The following AACS variants were observed in gnomAD, a reference collection of about 807,000 sequenced individuals.
The protein encoded by AACS is acetoacetyl-CoA synthetase, also known as acetoacetate-CoA ligase.
Under a neutral mutation model 83.1 loss-of-function variants are expected in AACS, and 69 were observed. That is an observed-to-expected ratio of 0.83 (90% confidence interval 0.68 to 1.01). The LOEUF (loss-of-function observed/expected upper bound fraction) is 1.01, where lower values mean the gene tolerates loss of function less well. Ranked by LOEUF, AACS falls within the 50% of genes least tolerant of loss-of-function variation. AACS has a pLI of 0.00. For synonymous variants in AACS, 333 were observed against 343.4 expected, an observed-to-expected ratio of 0.97 and a Z score of 0.33; for missense variants, 866 against 882.2, an observed-to-expected ratio of 0.98 and a Z score of 0.23.
At chr12:125,095,114 G>C (rs1956578785) in intron 5 of AACS, among the ~76,000 whole-genome samples, 1 of 152,034 alleles carries the variant, frequency 6.6e-6, no homozygotes, top group South Asian at 2.1e-4. Flanking sequence ...ATGCTTGATT[G>C]GTTGCTAAGC....
intron 17 of AACS, chr12:125,141,824 G>A: frequency 2.2e-6 from 1 of 464,494 alleles, no homozygotes; most frequent in Non-Finnish European, 3.9e-6. Context: ...GGTGTGGAGA[G>A]TGTTAGAGTT....
Position 125,086,433 on chromosome 12 carries a change from T to G in AACS, c.462T>G (p.Asp154Glu), listed in dbSNP as rs765734137. The stretch of plus-strand genomic sequence containing the variant: ...GGAAAATGGGTGTGAAGAAAGGAGA[T>G]CGGGTTGTTGGTAAGTATTTTGGGT... Reference protein sequence around the residue: ...AMRKMGVKKGDRVVGYLPNSE... With the variant: ...AMRKMGVKKGERVVGYLPNSE... Residue 154 changes from aspartate to glutamate, a missense_variant, in exon 4 of 18, where the codon GAT becomes GAG. Coordinates refer to ENST00000316519, the MANE Select transcript of AACS (RefSeq NM_023928.5). 1 of 1,613,978 alleles carries G rather than the reference T, an allele frequency of 6.2e-7. No individual in the cohort carries two copies. The highest frequency in any genetic ancestry group is 1.1e-5 in the South Asian group (1 of 91,070).
In AACS at chr12:125,097,584, C is replaced by T. The variant is rs893565072; in HGVS notation, c.571-5095C>T. 1.1e-4 allele frequency among the ~76,000 whole-genome samples: 17 copies of T among 152,074 alleles called. No individual in the cohort carries two copies. Among genetic ancestry groups the T allele is most frequent in the African/African-American group, 3.6e-4 (15 of 41,408 alleles). On this transcript the variant is annotated intron_variant, in intron 5 of 17. Coordinates refer to ENST00000316519, the MANE Select transcript of AACS (RefSeq NM_023928.5). The surrounding 1 kb of genome is among the most constrained non-coding windows in gnomAD (Gnocchi z 4.3). ...GTAGAGAGAAGCTTGGCTTGGTCTG[C>T]GCCTCCTCCCGTGCCTTCCGCAGTG... is the stretch of plus-strand genomic sequence containing the variant.
chr12:125,111,941 G>A (rs1956962088), intron 8 of AACS, among the ~76,000 whole-genome samples: 1 of 152,222 alleles, frequency 6.6e-6, no homozygotes, highest in South Asian at 2.1e-4. Flanking sequence ...CCATCTGAGA[G>A]AATGAGGCTA....
At chr12:125,085,763 A>G (rs968551308) in intron 3 of AACS, among the ~76,000 whole-genome samples, 2 of 152,074 alleles carry the variant, frequency 1.3e-5, no homozygotes, top group African/African-American at 4.8e-5. Flanking sequence ...AAAAACCCAC[A>G]ATTATAATTA....
chr12:125,104,460 T>C (rs1217560575), intron 7 of AACS, among the ~76,000 whole-genome samples: 1 of 152,188 alleles, frequency 6.6e-6, no homozygotes, highest in African/African-American at 2.4e-5. Context: ...GTTGGAGAGG[T>C]GAGACCCACC....
intron 3 of AACS, among the ~76,000 whole-genome samples, chr12:125,084,408 TCTTTC>T (rs1956279420): frequency 2.6e-5 from 4 of 151,718 alleles, no homozygotes; most frequent in Admixed American, 1.3e-4. Context: ...TCCTTTCCTT[TCTTTC>T]CTTTCTTTTC....
chr12:125,119,481 CAG>C (rs1182736784), intron 10 of AACS, among the ~76,000 whole-genome samples: 3 of 152,102 alleles, frequency 2.0e-5, no homozygotes, highest in African/African-American at 7.2e-5. Context: ...TGAATGGACT[CAG>C]AGTTTCACAT....
At chr12:125,078,376 T>C (rs1007910459) in intron 3 of AACS, 1 of 454,226 alleles carries the variant, frequency 2.2e-6, no homozygotes, top group African/African-American at 2.0e-5. Context: ...GGCTGGTCAG[T>C]GTTCCATTGC....
chr12:125,077,441 C>T (rs1398485270), intron 3 of AACS, among the ~76,000 whole-genome samples: 7 of 148,416 alleles, frequency 4.7e-5, no homozygotes, highest in South Asian at 2.1e-4. Flanking sequence ...ACCCAGGAGG[C>T]GGAGCTTGCA....
chr12:125,133,644 C>T (rs1462262278), intron 14 of AACS, among the ~76,000 whole-genome samples: 6 of 152,260 alleles, frequency 3.9e-5, no homozygotes, highest in African/African-American at 1.4e-4. Flanking sequence ...ACTCTTGCTT[C>T]CCAAGACATG....
At chr12:125,133,655 G>C (rs1957358641) in intron 14 of AACS, among the ~76,000 whole-genome samples, 1 of 152,190 alleles carries the variant, frequency 6.6e-6, no homozygotes, top group East Asian at 1.9e-4. Flanking sequence ...CCAAGACATG[G>C]CTTATTCTTT....
At chr12:125,091,605 G>A (rs1206745848) in intron 5 of AACS, 82 bp downstream of exon 5, 5 of 1,445,744 alleles carry the variant, frequency 3.5e-6, no homozygotes, top group South Asian at 1.1e-5. Context: ...GAATTCCCAG[G>A]GGAGCCGGAC....
At chr12:125,124,499 T>G (rs780876733) in intron 10 of AACS, 2 of 596,490 alleles carry the variant, frequency 3.4e-6, no homozygotes, top group Admixed American at 3.0e-5. Context: ...CGTGCTGAAA[T>G]CAGTGTAAAG....
Position 125,098,679 on chromosome 12 carries a change from T to C in AACS, c.571-4000T>C, listed in dbSNP as rs190569563. 4.4e-3 allele frequency among the ~76,000 whole-genome samples: 665 copies of C among 152,314 alleles called. 3 individuals are homozygous for C. The highest frequency in any genetic ancestry group is 0.012 in the African/African-American group (489 of 41,554). On this transcript the variant is annotated intron_variant, in intron 5 of 17. Transcript: ENST00000316519. ...GTTGGCCAGGCTGGTCTTGAACTCC[T>C]GATCCTCAAGTGATCCACCCGCCTT...
intron 12 of AACS, chr12:125,125,626 A>G (rs528339604): frequency 6.5e-6 from 1 of 152,686 alleles, no homozygotes; most frequent in East Asian, 1.9e-4. Flanking sequence ...CCCAAAATAG[A>G]ATCTGCAAAT....
intron 12 of AACS, 95 bp downstream of exon 12, chr12:125,125,119 C>T: frequency 1.3e-6 from 2 of 1,557,412 alleles, no homozygotes; most frequent in African/African-American, 1.4e-5. Flanking sequence ...CCCAAGGACA[C>T]AGTCCGCTGG....
intron 3 of AACS, among the ~76,000 whole-genome samples, chr12:125,085,465 G>A (rs185737115): frequency 2.6e-5 from 4 of 151,514 alleles, no homozygotes; most frequent in Non-Finnish European, 2.9e-5. Flanking sequence ...TTGCATCCAC[G>A]TGTGTTTCGT....
intron 16 of AACS, among the ~76,000 whole-genome samples, chr12:125,135,209 C>T (rs1003163984): frequency 1.1e-4 from 17 of 151,950 alleles, no homozygotes; most frequent in Admixed American, 4.6e-4. Context: ...TCACTGCAAC[C>T]TCTGCCTCCT....
Sources: gnomAD v4.1 joint callset for allele counts (sites outside exome capture counted in the v4.1 genomes callset) on GRCh38, gnomAD v4.1.1 for gene constraint, Gnocchi (gnomAD v3.1) non-coding constraint, MANE v1.5 for transcripts, NCBI Gene and HGNC (gene_info 2026-07-23, HGNC 2026-07-21) for gene names.